The following NBAS variants were observed in gnomAD, a reference collection of about 807,000 sequenced individuals.
The protein encoded by NBAS is NBAS subunit of NRZ tethering complex, also known as NAG/BC035112 fusion.
A neutral mutation model predicts 302.5 loss-of-function variants in NBAS; 219 were observed. The observed-to-expected ratio is 0.72, with a 90% CI of 0.65 to 0.81. The LOEUF (loss-of-function observed/expected upper bound fraction) is 0.81. Among genes scored for constraint, NBAS ranks in the 30% least tolerant of loss-of-function variants. The pLI is 0.00. For synonymous variants in NBAS, 1,118 were observed against 1,021.6 expected, an observed-to-expected ratio of 1.09 and a Z score of -1.80; for missense variants, 2,932 against 2,841.6, an observed-to-expected ratio of 1.03 and a Z score of -0.72.
chr2:15,427,777 A>G lies in NBAS; in HGVS notation c.2357T>C (p.Leu786Pro), dbSNP rs1194719473. Residue 786 changes from leucine (L) to proline (P), a missense_variant, in exon 22 of 52, where the codon CTG (leucine) becomes CCG (proline). Leu to Pro is a moderately conservative substitution (Grantham distance 98). Transcript: ENST00000281513. ...LPEACFNGDS[L>P]MIIPWHEHKH... ...ATGTTCATGCCAAGGAATGATCATC[A>G]GGGAGTCACCGTTAAAACTCAAATT... is the stretch of plus-strand genomic sequence containing the variant. 2 of 1,613,074 alleles carry G rather than the reference A, an allele frequency of 1.2e-6. No homozygotes were observed. The highest frequency in any genetic ancestry group is 1.7e-6 in the Non-Finnish European group (2 of 1,179,542).
At chr2:14,932,371 T>C in the NBAS span, among the ~76,000 whole-genome samples, 1 of 152,244 alleles carries the variant, frequency 6.6e-6, no homozygotes, top group African/African-American at 2.4e-5. Flanking sequence ...CCTACTGTTT[T>C]GGGGCTCCAA....
rs577382046 is a variant in NBAS, at chr2:15,408,581, C to A, written c.2938-6280G>T. On this transcript the variant is annotated intron_variant, in intron 25 of 51. Transcript: ENST00000281513. The stretch of plus-strand genomic sequence containing the variant: ...GATGGGTCTGTAAATGATAAACTCT[C>A]TGTTTTCACTTATCTTTAAAAAGTC... Among the ~76,000 whole-genome samples the A allele has an allele frequency of 1.7e-4, 26 of 152,242 alleles. 1 individual carries two copies. The South Asian group carries it at 5.4e-3, about 32-fold the overall frequency.
At chr2:15,285,923 G>A (rs912893143) in intron 42 of NBAS, among the ~76,000 whole-genome samples, 2 of 152,160 alleles carry the variant, frequency 1.3e-5, no homozygotes, top group East Asian at 3.9e-4. Context: ...GCCTCCCAAA[G>A]TGTTGGGATT....
chr2:15,428,839 C>T (rs775513326), intron 21 of NBAS, among the ~76,000 whole-genome samples: 4 of 151,744 alleles, frequency 2.6e-5, no homozygotes, highest in African/African-American at 4.8e-5. Flanking sequence ...GTCAGCAGAT[C>T]GAGACCATCC....
At chr2:14,972,729 G>A in the NBAS span, among the ~76,000 whole-genome samples, 1 of 152,190 alleles carries the variant, frequency 6.6e-6, no homozygotes, top group South Asian at 2.1e-4. Context: ...TCGTCTGAAA[G>A]TAGCCTTCAA....
the NBAS span, among the ~76,000 whole-genome samples, chr2:15,138,609 C>T: frequency 6.6e-6 from 1 of 152,138 alleles, no homozygotes; most frequent in African/African-American, 2.4e-5. Flanking sequence ...ATGAAGACCA[C>T]TCTCCTTGTT....
rs766548561 is a variant in NBAS at position 15,330,740 on chromosome 2, T to C, written c.4205A>G (p.Asn1402Ser). The stretch of plus-strand genomic sequence containing the variant: ...GGTCCAGCGCAATAGGTCAGCTGAA[T>C]TGCTACCTGGAACACCTACTTCATC... ...QEDEVGVPGS[N>S]SADLLRWTTA... Residue 1402 changes from asparagine (N) to serine (S), a missense_variant, in exon 36 of 52, where the codon AAT becomes AGT. Transcript: ENST00000281513. 6.8e-6 allele frequency: 11 copies of C among 1,613,970 alleles called. No individual in the cohort carries two copies. In the South Asian group the frequency reaches 7.7e-5, roughly 11 times the overall value.
At chr2:14,845,639 A>G in the NBAS span, among the ~76,000 whole-genome samples, 1 of 152,232 alleles carries the variant, frequency 6.6e-6, no homozygotes, top group Admixed American at 6.5e-5. Context: ...TGTGTTAAGA[A>G]AATGCAAAGA....
At chr2:14,976,914 T>C in the NBAS span, among the ~76,000 whole-genome samples, 1 of 152,216 alleles carries the variant, frequency 6.6e-6, no homozygotes, top group Non-Finnish European at 1.5e-5. Context: ...GCCAACAGCA[T>C]GATTTGGCCT....
chr2:15,423,729 C>A (rs922920984), intron 23 of NBAS, among the ~76,000 whole-genome samples: 1 of 152,186 alleles, frequency 6.6e-6, no homozygotes, highest in African/African-American at 2.4e-5. Context: ...ACAGAAAAGA[C>A]AGGCAATAGG....
chr2:15,137,294 T>C, the NBAS span, among the ~76,000 whole-genome samples: 2 of 152,202 alleles, frequency 1.3e-5, no homozygotes, highest in African/African-American at 4.8e-5. Flanking sequence ...ATTTAGTATA[T>C]TATTAATCTA....
chr2:14,996,891 C>G, the NBAS span, among the ~76,000 whole-genome samples: 1 of 152,172 alleles, frequency 6.6e-6, no homozygotes. Flanking sequence ...TCCCAAGGAA[C>G]TCAAGGGAGA....
chr2:15,148,693 T>C, the NBAS span, among the ~76,000 whole-genome samples: 1 of 152,214 alleles, frequency 6.6e-6, no homozygotes, highest in African/African-American at 2.4e-5. Context: ...TTATAATTTT[T>C]TTAAAAAATT....
chr2:14,847,336 C>T, the NBAS span, among the ~76,000 whole-genome samples: 10 of 137,794 alleles, frequency 7.3e-5, no homozygotes, highest in Non-Finnish European at 1.2e-4. Flanking sequence ...TGAGCCAAGA[C>T]CACACCACTG....
chr2:15,088,669 C>T, the NBAS span, among the ~76,000 whole-genome samples: 90 of 152,166 alleles, frequency 5.9e-4, no homozygotes, highest in Non-Finnish European at 1.1e-3. Flanking sequence ...TCGGTGCTTC[C>T]TAGAGGACCA....
chr2:14,897,500 A>C, the NBAS span, among the ~76,000 whole-genome samples: 1 of 152,172 alleles, frequency 6.6e-6, no homozygotes, highest in African/African-American at 2.4e-5. Context: ...AGGACGTTAT[A>C]ATGAAATATT....
chr2:15,238,127 CACT>C (rs1667687379), intron 45 of NBAS, among the ~76,000 whole-genome samples: 1 of 151,938 alleles, frequency 6.6e-6, no homozygotes, highest in African/African-American at 2.4e-5. Context: ...GTCTGAGCAC[CACT>C]GTCTTCTCAT....
chr2:15,503,626 C>T (rs1424033114), intron 11 of NBAS, among the ~76,000 whole-genome samples: 1 of 152,050 alleles, frequency 6.6e-6, no homozygotes, highest in Non-Finnish European at 1.5e-5. Flanking sequence ...TGGATGAAAC[C>T]GTCTAACATC....
intron 38 of NBAS, among the ~76,000 whole-genome samples, chr2:15,318,954 T>TCA (rs1671652548): frequency 6.6e-6 from 1 of 152,022 alleles, no homozygotes; most frequent in Non-Finnish European, 1.5e-5. Flanking sequence ...ACATTCTTCT[T>TCA]GCACCACATC....
Sources: allele counts gnomAD v4.1 joint callset (sites outside exome capture counted in the v4.1 genomes callset), GRCh38; gene constraint gnomAD v4.1.1; transcripts MANE v1.5; gene names NCBI Gene and HGNC (gene_info 2026-07-23, HGNC 2026-07-21).